The following USP20 variants were observed in gnomAD, a reference collection of about 807,000 sequenced individuals.
The protein encoded by USP20 is ubiquitin carboxyl-terminal hydrolase 20.
A neutral mutation model predicts 124.2 loss-of-function variants in USP20; 80 were observed. That is an observed-to-expected ratio of 0.64 (90% CI 0.54 to 0.78). The LOEUF is 0.78. Among genes scored for constraint, USP20 ranks in the 30% least tolerant of loss-of-function variants. The pLI is 0.00. For missense variants in USP20, 1,043 were observed against 1,244.4 expected (o/e 0.84, Z 2.44); for synonymous variants, 481 against 512.3 (o/e 0.94, Z 0.83).
At position 129,881,819 on chromosome 9, in the gene USP20, A is replaced by T. The variant is rs537094153; in HGVS notation, c.*1369A>T. On this transcript the variant is annotated 3_prime_UTR_variant, in exon 26 of 26. Transcript: ENST00000372429. ...GTTCAAAATGTCAGAATAAACACAG[A>T]ATAAATGTTCCCACGGCCACACAGT... The T allele has an allele frequency of 6.6e-6, 1 of 152,436 alleles. No homozygotes were observed. Among genetic ancestry groups the T allele is most frequent in the Non-Finnish European group, 1.5e-5 (1 of 68,066 alleles). The allele number at this position is 152,436 out of a possible 1,614,324, so 9.4% of individuals were successfully genotyped here.
intron 17 of USP20, 67 bp downstream of exon 17, chr9:129,873,811 A>T: frequency 6.3e-7 from 1 of 1,579,938 alleles, no homozygotes. Flanking sequence ...CACACCAGGC[A>T]GGGGCTGAGC....
intron 1 of USP20, among the ~76,000 whole-genome samples, chr9:129,838,888 A>G (rs1044386058): frequency 1.3e-5 from 2 of 152,188 alleles, no homozygotes; most frequent in Non-Finnish European, 2.9e-5. Flanking sequence ...TTCCGGACAG[A>G]GCTCAGAGCA....
chr9:129,863,428 CT>C, intron 9 of USP20, 129 bp downstream of exon 9: 3 of 683,078 alleles, frequency 4.4e-6, no homozygotes, highest in Middle Eastern at 5.1e-4. Context: ...CCGGGTAATG[CT>C]TGCAGCAAGC....
At chr9:129,865,697 C>G (rs2033788542) in intron 10 of USP20, among the ~76,000 whole-genome samples, 1 of 152,158 alleles carries the variant, frequency 6.6e-6, no homozygotes, top group African/African-American at 2.4e-5. Flanking sequence ...CAGGGTCTCA[C>G]TCTGTCACCC....
chr9:129,873,080 C>CTTT lies in USP20; in HGVS notation c.1661-385_1661-383dup, dbSNP rs59712662. On this transcript the variant is annotated intron_variant, in intron 15 of 25. Transcript: ENST00000372429. ...TTTATTTCTTTTTCTTTTTCTTCTT[C>CTTT]TTTTTTTTTTTTTTTTTTTGAGATG... Among the ~76,000 whole-genome samples the CTTT allele has an allele frequency of 2.0e-4, 16 of 78,356 alleles. 3 individuals are homozygous for CTTT. The highest frequency in any genetic ancestry group is 5.6e-4 in the Admixed American group (3 of 5,310). The allele number at this position is 78,356 out of a possible 152,430, so 51.4% of individuals were successfully genotyped here.
chr9:129,861,741 A>C (rs749065814), intron 8 of USP20, 129 bp downstream of exon 8: 18 of 782,172 alleles, frequency 2.3e-5, no homozygotes, highest in Middle Eastern at 6.2e-4. Flanking sequence ...GCCTGAAAGC[A>C]TGTATACCCT....
chr9:129,870,205 G>A (rs145273462), intron 14 of USP20: 2 of 574,758 alleles, frequency 3.5e-6, no homozygotes, highest in Non-Finnish European at 6.2e-6. Context: ...CCCCAGGGAG[G>A]GGGTAGCATG....
Position 129,868,340 on chromosome 9 carries a change from GC to G in USP20, c.1027del (p.Gln343LysfsTer73). 1 of 1,613,348 alleles carries G rather than the reference GC, an allele frequency of 6.2e-7. No individual in the cohort carries two copies. The highest frequency in any genetic ancestry group is 8.5e-7 in the Non-Finnish European group (1 of 1,179,932). Reference protein sequence around the residue: ...SWGQQRTNSEQVDEDADVDTA... With the variant: ...SWGQQRTNSEXVDEDADVDTA... Reference sequence around the variant, plus strand: ...GGGGCCAGCAGCGTACAAACTCGGAGCAAGTGGACGAGGACGCTGATGTGGA... The same window carrying G: ...GGGGCCAGCAGCGTACAAACTCGGAGAAGTGGACGAGGACGCTGATGTGGA... On this transcript the variant is annotated frameshift_variant, in exon 11 of 26. Transcript: ENST00000372429. LOFTEE classifies it high-confidence loss of function.
In USP20 at chr9:129,864,643, G is replaced by A. The variant is rs538614157; in HGVS notation, c.612-660G>A. On this transcript the variant is annotated intron_variant, in intron 9 of 25. Transcript: ENST00000372429. ...ACAAAAATTAGCTGGGCATGGTGGC[G>A]CGCACCTGTATTCCCAGCACTTTGG... 1.7e-4 allele frequency among the ~76,000 whole-genome samples: 25 copies of A among 151,312 alleles called. 1 individual carries two copies. Among genetic ancestry groups the A allele is most frequent in the Middle Eastern group, 3.5e-3 (1 of 286 alleles).
intron 20 of USP20, 26 bp downstream of exon 20, chr9:129,875,505 G>A (rs1319921520): frequency 1.2e-6 from 2 of 1,612,642 alleles, no homozygotes; most frequent in African/African-American, 1.3e-5. Flanking sequence ...TGGTGGGAGA[G>A]CAGGGTGGGC....
intron 9 of USP20, among the ~76,000 whole-genome samples, chr9:129,864,981 G>A (rs532227306): frequency 5.3e-4 from 80 of 152,286 alleles, no homozygotes; most frequent in African/African-American, 1.8e-3. Flanking sequence ...TAATGAACAT[G>A]TCTTACTTTT....
In USP20 at chr9:129,865,257, A is replaced by G. The variant is rs745370468; in HGVS notation, c.612-46A>G. 3 of 1,597,300 alleles carry G rather than the reference A, an allele frequency of 1.9e-6. No individual in the cohort carries two copies. The Admixed American group carries it at 5.0e-5, about 27-fold the overall frequency. On this transcript the variant is annotated intron_variant, in intron 9 of 25. Coordinates refer to ENST00000372429, the MANE Select transcript of USP20 (RefSeq NM_001110303.4). ...CTGCCTGCTTCTCTCGGGAATGAGC[A>G]GCTCAAGGCAGGCTACCTGGACTAA... is the stretch of plus-strand genomic sequence containing the variant.
chr9:129,844,615 C>T (rs1423426152), intron 1 of USP20, among the ~76,000 whole-genome samples: 2 of 120,986 alleles, frequency 1.7e-5, no homozygotes, highest in African/African-American at 6.3e-5. Flanking sequence ...CAGAGCGCGA[C>T]TCTGTCTCAA....
In USP20 at chr9:129,880,605, A is replaced by G; in HGVS notation, c.*155A>G. 1 of 286,188 alleles carries G rather than the reference A, an allele frequency of 3.5e-6. No homozygotes were observed. The highest frequency in any genetic ancestry group is 6.8e-6 in the Non-Finnish European group (1 of 146,524). The allele number at this position is 286,188 out of a possible 1,614,324, so 17.7% of individuals were successfully genotyped here. A position where few individuals can be genotyped will look rare whatever the true frequency, so the allele number is the denominator to read the frequency against. On this transcript the variant is annotated 3_prime_UTR_variant, in exon 26 of 26. Transcript: ENST00000372429. ...TGCAACTAGAAAATATATGCACTTC[A>G]GGCTTGTTGAAACGACCAAGACTCT...
intron 23 of USP20, 35 bp downstream of exon 23, chr9:129,878,475 T>G: frequency 6.5e-7 from 1 of 1,537,288 alleles, no homozygotes; most frequent in Admixed American, 1.9e-5. Flanking sequence ...TTACCTGCCC[T>G]GGGGGCCTCC....
At position 129,879,545 on chromosome 9, in the gene USP20, G is replaced by A. The variant is rs374150200; in HGVS notation, c.2513-28G>A. The A allele has an allele frequency of 1.3e-4, 216 of 1,611,874 alleles. No homozygotes were observed. In the African/African-American group the frequency reaches 2.5e-3, roughly 19 times the overall value. ...GAGGGTGGAGGGCATGGCAGGGGCT[G>A]AACCCGAGCCCGCTGTGTCTGTTGC... On this transcript the variant is annotated intron_variant, in intron 23 of 25. Transcript: ENST00000372429. The surrounding 1 kb of genome is among the most constrained non-coding windows in gnomAD (Gnocchi z 4.2).
rs36055332 is a variant in USP20 at position 129,869,363 on chromosome 9, G to A, written c.1330G>A (p.Val444Ile). The A allele has an allele frequency of 0.023, 36,569 of 1,613,746 alleles. 520 individuals carry two copies. The highest frequency in any genetic ancestry group is 0.027 in the South Asian group (2,440 of 91,084). ...GCGGAAGGAGCAGCGCTACCGCAGC[G>A]TCATCTCAGACATCTTTGACGGCTC... is the stretch of plus-strand genomic sequence containing the variant. The part of the protein sequence containing the change: ...RRRKEQRYRS[V>I]ISDIFDGSIL... Residue 444 changes from valine (V) to isoleucine (I), a missense_variant, in exon 13 of 26, where the codon GTC becomes ATC. Coordinates refer to ENST00000372429, the MANE Select transcript of USP20 (RefSeq NM_001110303.4).
At chr9:129,877,165 C>T (rs1023600276) in intron 22 of USP20, among the ~76,000 whole-genome samples, 1 of 152,226 alleles carries the variant, frequency 6.6e-6, no homozygotes, top group Non-Finnish European at 1.5e-5. Flanking sequence ...ACGTGTTCCA[C>T]TCACAGGGAG....
chr9:129,853,568 T>G (rs2033048855), intron 3 of USP20, among the ~76,000 whole-genome samples: 1 of 152,238 alleles, frequency 6.6e-6, no homozygotes. Flanking sequence ...CTAATGCTGG[T>G]CGCCTGGCCT....
Sources: gnomAD v4.1 joint callset for allele counts (sites outside exome capture counted in the v4.1 genomes callset) on GRCh38, gnomAD v4.1.1 for gene constraint, Gnocchi (gnomAD v3.1) non-coding constraint, MANE v1.5 for transcripts, NCBI Gene and HGNC (gene_info 2026-07-23, HGNC 2026-07-21) for gene names.